The following MAEL variants were observed in gnomAD, a reference collection of about 807,000 sequenced individuals.
The protein encoded by MAEL is protein maelstrom homolog.
Under a neutral mutation model 62.0 loss-of-function variants are expected in MAEL, and 46 were observed. That is an observed-to-expected ratio of 0.74 (90% confidence interval 0.59 to 0.95). The LOEUF (loss-of-function observed/expected upper bound fraction) is 0.95, where lower values mean the gene tolerates loss of function less well. Ranked by LOEUF, MAEL falls within the 40% of genes least tolerant of loss-of-function variation. The pLI, the probability that MAEL is intolerant of heterozygous loss-of-function variation, is 0.00. For missense variants in MAEL, 497 were observed against 526.8 expected, an observed-to-expected ratio of 0.94 and a Z score of 0.55; for synonymous variants, 172 against 175.5, an observed-to-expected ratio of 0.98 and a Z score of 0.16.
chr1:166,991,328 A>G, intron 2 of MAEL, 50 bp from the exon 3 acceptor site: 4 of 1,209,690 alleles, frequency 3.3e-6, no homozygotes, highest in Non-Finnish European at 2.5e-6. Context: ...TGTATGGTCT[A>G]AAAGTGCCCA....
chr1:166,987,761 T>C (rs1441991391), upstream of MAEL, among the ~76,000 whole-genome samples: 1 of 152,100 alleles, frequency 6.6e-6, no homozygotes, highest in Non-Finnish European at 1.5e-5. Context: ...GAAATGGTAG[T>C]TAAAGGTGGA....
chr1:167,010,456 C>CT (rs1358206765), intron 8 of MAEL, among the ~76,000 whole-genome samples: 1 of 151,430 alleles, frequency 6.6e-6, no homozygotes, highest in Non-Finnish European at 1.5e-5. Context: ...CTTTTCTTTT[C>CT]TTTTTTTTAA....
chr1:166,987,030 A>G (rs908203169), upstream of MAEL, among the ~76,000 whole-genome samples: 10 of 151,056 alleles, frequency 6.6e-5, no homozygotes, highest in Admixed American at 5.3e-4. Flanking sequence ...AATGTTTTTT[A>G]AAGTCAACTT....
At chr1:167,009,889 T>G (rs1357390846) in intron 8 of MAEL, among the ~76,000 whole-genome samples, 1 of 152,158 alleles carries the variant, frequency 6.6e-6, no homozygotes, top group Non-Finnish European at 1.5e-5. Flanking sequence ...TTCTTCATTT[T>G]TTGTTTATTT....
chr1:166,993,921 A>C (rs1664296775), intron 4 of MAEL, 107 bp from the exon 5 acceptor site: 1 of 751,750 alleles, frequency 1.3e-6, no homozygotes, highest in East Asian at 2.9e-5. Flanking sequence ...TTTTCATGTA[A>C]TAAAAATTAC....
At chr1:167,004,080 T>G in intron 5 of MAEL, 100 bp from the exon 6 acceptor site, 1 of 1,001,522 alleles carries the variant, frequency 1.0e-6, no homozygotes, top group East Asian at 2.5e-5. Flanking sequence ...TACTTAACTG[T>G]GTGTTACCCA....
chr1:166,977,380 A>C (rs1217429190), intron 1 of MAEL, among the ~76,000 whole-genome samples: 1 of 152,198 alleles, frequency 6.6e-6, no homozygotes, highest in Admixed American at 6.5e-5. Context: ...TTCTAGGCAG[A>C]GTTCTACATG....
At chr1:166,987,507 T>C (rs768541465), upstream of MAEL, among the ~76,000 whole-genome samples, 3 of 152,236 alleles carry the variant, frequency 2.0e-5, no homozygotes, top group Non-Finnish European at 4.4e-5. Flanking sequence ...TGTGGATATA[T>C]ATTTTCATTT....
Position 166,989,729 on chromosome 1 carries a change from C to G in MAEL, c.133-8C>G, listed in dbSNP as rs1458650607. ...GTTTCTCTTCTTTGCTCCTTCAATC[C>G]CCAAAAGCTTCTGAGGGAGGAAGAA... On this transcript the variant is annotated splice_region_variant and splice_polypyrimidine_tract_variant and intron_variant, in intron 1 of 11. Transcript: ENST00000367872. 1 of 1,612,732 alleles carries G rather than the reference C, an allele frequency of 6.2e-7. No individual in the cohort carries two copies. Among genetic ancestry groups the G allele is most frequent in the East Asian group, 2.2e-5 (1 of 44,872 alleles).
chr1:167,014,877 G>A (rs56115713), intron 8 of MAEL, among the ~76,000 whole-genome samples: 22,798 of 152,146 alleles, frequency 0.15, 1,906 homozygotes, highest in Non-Finnish European at 0.18. Flanking sequence ...ACAAAAATTA[G>A]CCAGGCATGA....
At chr1:167,009,371 T>G (rs989219687) in intron 8 of MAEL, among the ~76,000 whole-genome samples, 3 of 152,338 alleles carry the variant, frequency 2.0e-5, no homozygotes, top group South Asian at 4.1e-4. Flanking sequence ...GCTTTGTGTG[T>G]TCCTTTTGTG....
rs775977856 is a variant in MAEL at position 166,989,810 on chromosome 1, C to G, written c.206C>G (p.Pro69Arg). Residue 69 changes from proline to arginine, a missense_variant, in exon 2 of 12, where the codon CCT becomes CGT. Pro to Arg is a moderately radical substitution (Grantham distance 103, BLOSUM62 -2). Transcript: ENST00000367872. ...REWRAAQGKD[P>R]GPSEKQKPVF... ...TGGAGGGCCGCTCAGGGAAAGGACC[C>G]TGGGCCCTCAGAGAAGCAGGTAAAG... is the stretch of plus-strand genomic sequence containing the variant. 1.9e-6 allele frequency: 3 copies of G among 1,612,900 alleles called. No homozygotes were observed. The highest frequency in any genetic ancestry group is 1.1e-5 in the South Asian group (1 of 90,826).
intron 5 of MAEL, among the ~76,000 whole-genome samples, chr1:166,996,543 TAACG>T (rs1664434792): frequency 6.6e-6 from 1 of 152,200 alleles, no homozygotes; most frequent in Non-Finnish European, 1.5e-5. Flanking sequence ...ATTTAAGGTA[TAACG>T]AACATTAATA....
chr1:167,001,697 C>T (rs1664676752), intron 5 of MAEL, among the ~76,000 whole-genome samples: 1 of 152,138 alleles, frequency 6.6e-6, no homozygotes, highest in Non-Finnish European at 1.5e-5. Flanking sequence ...GTTTATATTC[C>T]CTATCTGGCT....
intron 8 of MAEL, among the ~76,000 whole-genome samples, chr1:167,015,426 T>C (rs1665350497): frequency 6.6e-6 from 1 of 152,188 alleles, no homozygotes; most frequent in Admixed American, 6.5e-5. Flanking sequence ...CTTTTTACAC[T>C]GTTTAGTGTG....
At chr1:167,015,706 C>A (rs759048244) in intron 8 of MAEL, among the ~76,000 whole-genome samples, 8 of 152,156 alleles carry the variant, frequency 5.3e-5, no homozygotes, top group Non-Finnish European at 1.0e-4. Context: ...GACACTTTAT[C>A]TAAAATGTTG....
At chr1:167,013,443 T>C (rs542713582) in intron 8 of MAEL, among the ~76,000 whole-genome samples, 1 of 152,264 alleles carries the variant, frequency 6.6e-6, no homozygotes, top group East Asian at 1.9e-4. Context: ...CCATCATCAG[T>C]GTCGATGAGG....
upstream of MAEL, among the ~76,000 whole-genome samples, chr1:166,987,266 A>G (rs191347899): frequency 7.4e-4 from 112 of 152,312 alleles, no homozygotes; most frequent in African/African-American, 2.6e-3. Flanking sequence ...CAAGTTCTGT[A>G]TACATTGAAT....
chr1:167,012,723 G>A (rs544104774), intron 8 of MAEL, among the ~76,000 whole-genome samples: 1 of 152,286 alleles, frequency 6.6e-6, no homozygotes, highest in South Asian at 2.1e-4. Context: ...CATTAGAACC[G>A]AAGTGGGAGA....
Sources: gnomAD v4.1 joint callset for allele counts (sites outside exome capture counted in the v4.1 genomes callset) on GRCh38, gnomAD v4.1.1 for gene constraint, MANE v1.5 for transcripts, NCBI Gene and HGNC (gene_info 2026-07-23, HGNC 2026-07-21) for gene names.